Variants in EPM2A observed in about 807,000 individuals in gnomAD.
EPM2A encodes EPM2A glucan phosphatase, laforin, also known as laforin.
A neutral mutation model predicts 26.5 loss-of-function variants in EPM2A; 21 were observed. The observed-to-expected ratio is 0.79, with a 90% CI of 0.56 to 1.14. EPM2A has a LOEUF of 1.14. EPM2A is among the 50% of genes most tolerant of loss of function. EPM2A has a pLI of 0.00. For missense variants in EPM2A, 458 were observed against 440.8 expected (o/e 1.04, Z -0.35); for synonymous variants, 217 against 177.6 (o/e 1.22, Z -1.76).
At chr6:145,649,335 C>A (rs1777709770) in intron 2 of EPM2A, among the ~76,000 whole-genome samples, 1 of 152,178 alleles carries the variant, frequency 6.6e-6, no homozygotes, top group East Asian at 1.9e-4. Flanking sequence ...GCATATCTCA[C>A]AGCATTGTGA....
intron 1 of EPM2A, among the ~76,000 whole-genome samples, chr6:145,724,366 T>C (rs190125873): frequency 3.3e-5 from 5 of 152,222 alleles, no homozygotes; most frequent in Non-Finnish European, 5.9e-5. Flanking sequence ...AACCCTTATG[T>C]ATAAATCTAA....
chr6:145,547,607 A>G (rs1046000822), intron 2 of EPM2A, among the ~76,000 whole-genome samples: 45 of 152,314 alleles, frequency 3.0e-4, no homozygotes, highest in Admixed American at 2.0e-4. Flanking sequence ...ATTGAATAAT[A>G]TATACCTTGT....
intron 2 of EPM2A, among the ~76,000 whole-genome samples, chr6:145,569,526 TCTC>T (rs1287393719): frequency 1.3e-5 from 2 of 152,220 alleles, no homozygotes; most frequent in Non-Finnish European, 2.9e-5. Flanking sequence ...AATCTTGTAA[TCTC>T]CTCTAGTTCT....
At chr6:145,538,174 C>G (rs533534414) in intron 2 of EPM2A, among the ~76,000 whole-genome samples, 1 of 152,222 alleles carries the variant, frequency 6.6e-6, no homozygotes, top group South Asian at 2.1e-4. Context: ...CTTGAGGAAT[C>G]ACCACACTGT....
At chr6:145,401,296 A>C (rs1421670238) in intron 4 of EPM2A, among the ~76,000 whole-genome samples, 2 of 152,148 alleles carry the variant, frequency 1.3e-5, no homozygotes, top group Non-Finnish European at 2.9e-5. Context: ...CTTTTTATAT[A>C]TCATATACAC....
intron 2 of EPM2A, among the ~76,000 whole-genome samples, chr6:145,557,460 A>G (rs1323784491): frequency 6.8e-6 from 1 of 147,082 alleles, no homozygotes; most frequent in Non-Finnish European, 1.5e-5. Flanking sequence ...TAAAGAAAAG[A>G]TAATAGGAAA....
At chr6:145,715,417 G>T (rs181114807) in intron 1 of EPM2A, among the ~76,000 whole-genome samples, 179 of 152,294 alleles carry the variant, frequency 1.2e-3, no homozygotes, top group Non-Finnish European at 1.0e-3. Context: ...AGAACATGCA[G>T]ACTCTGCAGA....
intron 4 of EPM2A, among the ~76,000 whole-genome samples, chr6:145,470,615 CT>C (rs1483968908): frequency 3.9e-5 from 6 of 152,040 alleles, no homozygotes; most frequent in Non-Finnish European, 7.4e-5. Flanking sequence ...TACATGTTTT[CT>C]TGCATGTGTG....
chr6:145,499,784 C>T (rs1779864264), downstream of EPM2A, among the ~76,000 whole-genome samples: 1 of 152,056 alleles, frequency 6.6e-6, no homozygotes, highest in Non-Finnish European at 1.5e-5. Flanking sequence ...TATATATTGT[C>T]TTTATAATGG....
chr6:145,401,603 T>C (rs1402839832), intron 4 of EPM2A, among the ~76,000 whole-genome samples: 1 of 152,140 alleles, frequency 6.6e-6, no homozygotes. Flanking sequence ...CATTACACAG[T>C]GAGGAATGAG....
intron 2 of EPM2A, among the ~76,000 whole-genome samples, chr6:145,620,190 G>A (rs1775602627): frequency 6.6e-6 from 1 of 152,208 alleles, no homozygotes; most frequent in Non-Finnish European, 1.5e-5. Flanking sequence ...GAGGCGAGGG[G>A]AGTATGGTTT....
intron 4 of EPM2A, among the ~76,000 whole-genome samples, chr6:145,428,458 T>A (rs975331444): frequency 6.6e-6 from 1 of 152,222 alleles, no homozygotes; most frequent in Non-Finnish European, 1.5e-5. Flanking sequence ...TCTATTGTTT[T>A]GAACAGCATT....
chr6:145,546,795 G>GA (rs917692202), intron 2 of EPM2A, among the ~76,000 whole-genome samples: 14 of 152,142 alleles, frequency 9.2e-5, no homozygotes, highest in Admixed American at 9.2e-4. Context: ...CCATATATAA[G>GA]ATTGTATACA....
chr6:145,646,309 A>G (rs1777456827), intron 2 of EPM2A, among the ~76,000 whole-genome samples: 1 of 151,270 alleles, frequency 6.6e-6, no homozygotes, highest in South Asian at 2.1e-4. Context: ...GGCACGTGCC[A>G]CCACGCTTGG....
intron 2 of EPM2A, among the ~76,000 whole-genome samples, chr6:145,664,779 C>G (rs1174565165): frequency 6.6e-6 from 1 of 151,604 alleles, no homozygotes; most frequent in African/African-American, 2.4e-5. Context: ...CTCTCCTCAG[C>G]AAATGTAAAA....
At chr6:145,631,680 A>C (rs1382494294) in intron 3 of EPM2A, 2 of 152,388 alleles carry the variant, frequency 1.3e-5, no homozygotes, top group East Asian at 1.9e-4. Flanking sequence ...TCCTGAAAGC[A>C]CTATTGAGCC....
At chr6:145,589,401 TAAA>T (rs1363596449) in intron 2 of EPM2A, among the ~76,000 whole-genome samples, 10 of 152,102 alleles carry the variant, frequency 6.6e-5, no homozygotes, top group Non-Finnish European at 1.2e-4. Context: ...TTGGGGATGA[TAAA>T]GAAGTAGATT....
chr6:145,422,362 C>T (rs868683916), intron 4 of EPM2A, among the ~76,000 whole-genome samples: 1 of 148,332 alleles, frequency 6.7e-6, no homozygotes, highest in Non-Finnish European at 1.5e-5. Context: ...ATATGAAAGT[C>T]CCAGTTTTGT....
At chr6:145,575,581 A>T (rs1781019838) in intron 2 of EPM2A, among the ~76,000 whole-genome samples, 1 of 152,140 alleles carries the variant, frequency 6.6e-6, no homozygotes, top group Admixed American at 6.5e-5. Context: ...TTTTCACTGA[A>T]CTTAGGAGAA....
Sources: gnomAD v4.1 joint callset for allele counts (sites outside exome capture counted in the v4.1 genomes callset) on GRCh38, gnomAD v4.1.1 for gene constraint, MANE v1.5 for transcripts, NCBI Gene and HGNC (gene_info 2026-07-23, HGNC 2026-07-21) for gene names.